VPS35L: variants seen among roughly 807,000 people sequenced by gnomAD.
VPS35L encodes the protein VPS35 endosomal protein sorting factor like.
A neutral mutation model predicts 133.0 loss-of-function variants in VPS35L; 83 were observed. That is an observed-to-expected ratio of 0.62 (90% CI 0.52 to 0.75). VPS35L has a LOEUF of 0.75. Ranked by LOEUF, VPS35L falls within the 30% of genes least tolerant of loss-of-function variation. The pLI, the probability that VPS35L is intolerant of heterozygous loss-of-function variation, is 0.00. For missense variants in VPS35L, 1,083 were observed against 1,206.8 expected, an observed-to-expected ratio of 0.90 and a Z score of 1.52; for synonymous variants, 423 against 449.9, an observed-to-expected ratio of 0.94 and a Z score of 0.76.
At chr16:19,561,253 C>G (rs1162114662) in intron 1 of VPS35L, among the ~76,000 whole-genome samples, 8 of 152,116 alleles carry the variant, frequency 5.3e-5, no homozygotes, top group African/African-American at 1.9e-4. Flanking sequence ...CGCCTGTAGT[C>G]CCAGCTACTA....
chr16:19,584,627 CAA>C (rs34652566), intron 7 of VPS35L, among the ~76,000 whole-genome samples: 19 of 102,832 alleles, frequency 1.8e-4, no homozygotes, highest in South Asian at 6.7e-4. Context: ...AACTCTGTCT[CAA>C]AAAAAAAAAA....
At position 19,573,206 on chromosome 16, in the gene VPS35L, C is replaced by T. The variant is rs375466958; in HGVS notation, c.373C>T (p.Leu125Phe). ...TTGGACCAACAAACGGGGAGAAATC[C>T]TTGCCCGGTACACCACTACCGAAAA... The part of the protein sequence containing the change: ...EPWTNKRGEI[L>F]ARYTTTEKLS... Residue 125 changes from leucine to phenylalanine, a missense_variant, in exon 4 of 31, where the codon CTT becomes TTT. Physicochemically the swap from Leu to Phe is conservative, Grantham distance 22. Transcript: ENST00000417362. The T allele has an allele frequency of 6.8e-6, 11 of 1,613,940 alleles. No individual in the cohort carries two copies. The highest frequency in any genetic ancestry group is 3.3e-5 in the Admixed American group (2 of 60,004).
chr16:19,597,867 G>C (rs565265344), intron 8 of VPS35L, among the ~76,000 whole-genome samples: 1 of 152,278 alleles, frequency 6.6e-6, no homozygotes, highest in African/African-American at 2.4e-5. Context: ...TTCTGCACAT[G>C]GTCATTACTC....
At chr16:19,634,728 G>A (rs903025389) in intron 19 of VPS35L, among the ~76,000 whole-genome samples, 3 of 152,198 alleles carry the variant, frequency 2.0e-5, no homozygotes, top group African/African-American at 7.2e-5. Flanking sequence ...CTAACCCTGG[G>A]AAGAAGAGTT....
chr16:19,631,069 G>A (rs1973442195), intron 18 of VPS35L, among the ~76,000 whole-genome samples: 1 of 152,050 alleles, frequency 6.6e-6, no homozygotes, highest in Non-Finnish European at 1.5e-5. Context: ...CATCCCATGA[G>A]GACTTGGGGA....
At chr16:19,613,180 G>A (rs902371790) in intron 12 of VPS35L, among the ~76,000 whole-genome samples, 1 of 152,176 alleles carries the variant, frequency 6.6e-6, no homozygotes, top group African/African-American at 2.4e-5. Context: ...GTACACGCCT[G>A]TAGTCCCAGC....
In VPS35L at chr16:19,650,379, CAG is replaced by C. The variant is rs1567455522; in HGVS notation, c.2029_2030del. On this transcript the variant is annotated splice_acceptor_variant, in intron 24 of 30. Coordinates refer to ENST00000417362, the MANE Select transcript of VPS35L (RefSeq NM_020314.7). LOFTEE classifies it high-confidence loss of function. ...ACCATTTCTATTTTATTAATAAATT[CAG>C]AGTGTGAACCGGTTGGCAATGGAGA... 6.2e-7 allele frequency: 1 copy of C among 1,606,914 alleles called. No individual in the cohort carries two copies. Among genetic ancestry groups the C allele is most frequent in the Non-Finnish European group, 8.5e-7 (1 of 1,173,588 alleles).
chr16:19,616,892 A>T, intron 14 of VPS35L, 84 bp downstream of exon 14: 1 of 1,566,482 alleles, frequency 6.4e-7, no homozygotes, highest in Non-Finnish European at 8.8e-7. Flanking sequence ...CGTTAATGGG[A>T]CCCTTTCATA....
At position 19,601,631 on chromosome 16, in the gene VPS35L, T is replaced by C. The variant is rs758769056; in HGVS notation, c.725-33T>C. On this transcript the variant is annotated intron_variant, in intron 8 of 30. Transcript: ENST00000417362. Reference sequence around the variant, plus strand: ...ATTTACTGTTTGCTCCTGAAGAGTGTGATACTAACACCATCTGTCCTTTTC... The same window carrying C: ...ATTTACTGTTTGCTCCTGAAGAGTGCGATACTAACACCATCTGTCCTTTTC... 4 of 1,607,738 alleles carry C rather than the reference T, an allele frequency of 2.5e-6. No individual in the cohort carries two copies. In the Admixed American group the frequency reaches 5.0e-5, roughly 20 times the overall value.
In VPS35L at chr16:19,609,149, GTTCT is replaced by G. The variant is rs1316297998; in HGVS notation, c.929+131_929+134del. ...ACTTAATGTGTGTTAAGCACCTTCTGTTCTTTTTCTCATTGAATCCAAATGAAAA... is the reference window on the plus strand; with the variant it reads ...ACTTAATGTGTGTTAAGCACCTTCTGTTTTCTCATTGAATCCAAATGAAAA... On this transcript the variant is annotated intron_variant, in intron 11 of 30. Coordinates refer to ENST00000417362, the MANE Select transcript of VPS35L (RefSeq NM_020314.7). 9 of 766,408 alleles carry G rather than the reference GTTCT, an allele frequency of 1.2e-5. No individual in the cohort carries two copies. The African/African-American group carries it at 1.4e-4, about 12-fold the overall frequency. 47.5% of individuals were successfully genotyped at this position (766,408 alleles called of 1,614,324 possible). A position where few individuals can be genotyped will look rare whatever the true frequency, so the allele number is the denominator to read the frequency against.
chr16:19,571,199 A>G (rs1469978739), intron 3 of VPS35L, among the ~76,000 whole-genome samples: 2 of 151,954 alleles, frequency 1.3e-5, no homozygotes, highest in Non-Finnish European at 2.9e-5. Context: ...TACCATTGTT[A>G]CATAAATGGA....
intron 28 of VPS35L, among the ~76,000 whole-genome samples, chr16:19,685,051 CAAAA>C (rs10709905): frequency 3.4e-5 from 4 of 116,760 alleles, no homozygotes; most frequent in Admixed American, 1.8e-4. Flanking sequence ...GACTCCATCT[CAAAA>C]AAAAAAAAAA....
At chr16:19,627,915 C>G in intron 16 of VPS35L, 110 bp downstream of exon 16, 1 of 838,490 alleles carries the variant, frequency 1.2e-6, no homozygotes, top group Non-Finnish European at 2.0e-6. Flanking sequence ...GGAACACAGG[C>G]GAAGGCTCTG....
At chr16:19,567,144 T>C (rs970804469) in intron 2 of VPS35L, among the ~76,000 whole-genome samples, 1 of 152,226 alleles carries the variant, frequency 6.6e-6, no homozygotes, top group African/African-American at 2.4e-5. Flanking sequence ...TAGTTCACTA[T>C]GTGCAGAGAA....
intron 7 of VPS35L, among the ~76,000 whole-genome samples, chr16:19,586,227 G>A (rs1971859135): frequency 6.6e-6 from 1 of 151,790 alleles, no homozygotes; most frequent in South Asian, 2.1e-4. Context: ...ATATATTTTT[G>A]ACACTATTTC....
At chr16:19,638,109 C>T (rs1265189767) in intron 20 of VPS35L, among the ~76,000 whole-genome samples, 1 of 152,104 alleles carries the variant, frequency 6.6e-6, no homozygotes, top group Non-Finnish European at 1.5e-5. Flanking sequence ...TTAAAATATC[C>T]TGCGATGTCT....
In VPS35L at chr16:19,639,524, TTTTG is replaced by T. The variant is rs755901321; in HGVS notation, c.1699-479_1699-476del. 1.2e-4 allele frequency among the ~76,000 whole-genome samples: 18 copies of T among 152,250 alleles called. No homozygotes were observed. Among genetic ancestry groups the T allele is most frequent in the African/African-American group, 4.1e-4 (17 of 41,558 alleles). On this transcript the variant is annotated intron_variant, in intron 20 of 30. Transcript: ENST00000417362. The surrounding 1 kb of genome is among the most constrained non-coding windows in gnomAD (Gnocchi z 4.1). ...TTGTTTTAATAGTAACAGCTTTTTA[TTTTG>T]TTTGTTTGTTTATTTTTGAGATAGA...
intron 14 of VPS35L, among the ~76,000 whole-genome samples, chr16:19,624,202 A>G (rs1973185318): frequency 7.8e-6 from 1 of 127,436 alleles, no homozygotes; most frequent in African/African-American, 3.0e-5. Context: ...TGCAGCCTCC[A>G]CCTCCTGGGC....
At chr16:19,645,983 G>A (rs183756270) in intron 23 of VPS35L, among the ~76,000 whole-genome samples, 20 of 151,966 alleles carry the variant, frequency 1.3e-4, no homozygotes, top group Admixed American at 9.2e-4. Flanking sequence ...TTTTGGGGGG[G>A]TCGAGACAGG....
Sources: gnomAD v4.1 joint callset for allele counts (sites outside exome capture counted in the v4.1 genomes callset) on GRCh38, gnomAD v4.1.1 for gene constraint, Gnocchi (gnomAD v3.1) non-coding constraint, MANE v1.5 for transcripts, NCBI Gene and HGNC (gene_info 2026-07-23, HGNC 2026-07-21) for gene names.